CEP95: variants seen among roughly 807,000 people sequenced by gnomAD.
CEP95 encodes centrosomal protein 95.
A neutral mutation model predicts 111.2 loss-of-function variants in CEP95; 98 were observed. The ratio of observed to expected loss-of-function variants is 0.88; its 90% CI spans 0.75 to 1.04. CEP95 has a LOEUF of 1.04. Ranked by LOEUF, CEP95 falls within the 50% of genes least tolerant of loss-of-function variation. CEP95 has a pLI of 0.00. For missense variants in CEP95, 1,027 were observed against 977.2 expected (o/e 1.05, Z -0.68); for synonymous variants, 323 against 327.1 (o/e 0.99, Z 0.14).
Position 64,513,917 on chromosome 17 carries a change from A to G in CEP95, c.257-331A>G, listed in dbSNP as rs140940964. Among the ~76,000 whole-genome samples the G allele has an allele frequency of 6.1e-3, 926 of 152,334 alleles. 10 individuals are homozygous for G. Among genetic ancestry groups the G allele is most frequent in the African/African-American group, 0.02 (843 of 41,564 alleles). On this transcript the variant is annotated intron_variant, in intron 3 of 19. Transcript: ENST00000556440. ...CTGTTTAGCTGCAATATATTTTGGT[A>G]TAAATCTTACTAGACATGTTTTCTT...
chr17:64,508,210 G>T, intron 1 of CEP95: 1 of 985,348 alleles, frequency 1.0e-6, no homozygotes, highest in Non-Finnish European at 1.2e-6. Context: ...TGAGTTTCTG[G>T]TAACCTCGGA....
At chr17:64,507,800 A>G in intron 1 of CEP95, 1 of 985,436 alleles carries the variant, frequency 1.0e-6, no homozygotes, top group Non-Finnish European at 1.2e-6. Flanking sequence ...AACATAGTGG[A>G]GATGTTTGTT....
At chr17:64,511,882 C>CT (rs1280457969) in intron 3 of CEP95, among the ~76,000 whole-genome samples, 1 of 152,228 alleles carries the variant, frequency 6.6e-6, no homozygotes, top group African/African-American at 2.4e-5. Context: ...GTTCTTCTGC[C>CT]ATGGCTTCAG....
At chr17:64,522,130 C>G (rs1175106273) in intron 7 of CEP95, among the ~76,000 whole-genome samples, 1 of 152,088 alleles carries the variant, frequency 6.6e-6, no homozygotes, top group African/African-American at 2.4e-5. Context: ...AGATTACAAG[C>G]GTGAGCTCCC....
In CEP95 at chr17:64,514,164, A is replaced by G. The variant is rs2303574; in HGVS notation, c.257-84A>G. 193 of 576,544 alleles carry G rather than the reference A, an allele frequency of 3.3e-4. 1 individual carries two copies. The East Asian group carries it at 4.9e-3, about 15-fold the overall frequency. 35.7% of individuals were successfully genotyped at this position (576,544 alleles called of 1,614,324 possible). The stretch of plus-strand genomic sequence containing the variant: ...GCCTGTATTCTTAAATAGCATTTTC[A>G]CAATGTTATATCCAAGTTTCAAGAT... On this transcript the variant is annotated intron_variant, in intron 3 of 19. Transcript: ENST00000556440.
intron 14 of CEP95, chr17:64,532,541 A>G: frequency 2.0e-6 from 2 of 985,308 alleles, no homozygotes; most frequent in Non-Finnish European, 2.4e-6. Context: ...AAGGTTGAGG[A>G]GTCTTGTTTT....
chr17:64,525,205 G>A (rs549787992), intron 8 of CEP95, among the ~76,000 whole-genome samples: 16 of 152,054 alleles, frequency 1.1e-4, no homozygotes, highest in African/African-American at 3.9e-4. Flanking sequence ...TTAGCCAGGT[G>A]TTGTGGCATA....
chr17:64,531,936 G>A lies in CEP95; in HGVS notation c.1586G>A (p.Cys529Tyr). The change falls in exon 14 of 20, where the codon TGT (cysteine) becomes TAT (tyrosine). Residue 529 changes from cysteine (C) to tyrosine (Y), a missense_variant. Cys to Tyr is a radical substitution (Grantham distance 194). Transcript: ENST00000556440. ...GEAVRKGTPECSQPWKIYSRK... is the reference protein window; with the variant it reads ...GEAVRKGTPEYSQPWKIYSRK... ...GCTGTTCGTAAAGGAACTCCAGAAT[G>A]TAGTCAGCCCTGGAAGATTTACTCT... The A allele has an allele frequency of 6.2e-7, 1 of 1,609,302 alleles. No homozygotes were observed. The highest frequency in any genetic ancestry group is 8.5e-7 in the Non-Finnish European group (1 of 1,178,232).
Position 64,537,845 on chromosome 17 carries a change from C to A in CEP95, c.*66C>A. Reference sequence around the variant, plus strand: ...TTACCAGGACAGAGCTAGAATCGAGCCAGTAAACAGTCTAAGCCAGAAAAA... The same window carrying A: ...TTACCAGGACAGAGCTAGAATCGAGACAGTAAACAGTCTAAGCCAGAAAAA... On this transcript the variant is annotated 3_prime_UTR_variant, in exon 20 of 20. Transcript: ENST00000556440. 1 of 955,610 alleles carries A rather than the reference C, an allele frequency of 1.0e-6. No homozygotes were observed. Among genetic ancestry groups the A allele is most frequent in the Non-Finnish European group, 1.5e-6 (1 of 685,606 alleles). The allele number at this position is 955,610 out of a possible 1,614,324, so 59.2% of individuals were successfully genotyped here. A position where few individuals can be genotyped will look rare whatever the true frequency, so the allele number is the denominator to read the frequency against.
At position 64,533,142 on chromosome 17, in the gene CEP95, A is replaced by G. The variant is rs1555680763; in HGVS notation, c.1868A>G (p.Asp623Gly). The G allele has an allele frequency of 6.2e-7, 1 of 1,602,108 alleles. No individual in the cohort carries two copies. The highest frequency in any genetic ancestry group is 1.8e-5 in the Admixed American group (1 of 55,558). ...ATAGAAGAAGCCCTAAGAAGGCATG[A>G]CCTCCTTACTACCCTTGTCAAGAAA... ...DEIEEALRRH[D>G]LLTTLVKKEY... The change falls in exon 16 of 20, where the codon GAC becomes GGC. Residue 623 changes from aspartate to glycine, a missense_variant. Coordinates refer to ENST00000556440, the MANE Select transcript of CEP95 (RefSeq NM_138363.3).
intron 14 of CEP95, 173 bp from the exon 15 acceptor site, chr17:64,532,666 A>G: frequency 7.0e-7 from 1 of 1,418,936 alleles, no homozygotes. Context: ...TATCCTTACC[A>G]GTAGTTGGCT....
intron 3 of CEP95, among the ~76,000 whole-genome samples, chr17:64,513,873 C>T (rs923121661): frequency 6.6e-6 from 1 of 151,998 alleles, no homozygotes; most frequent in African/African-American, 2.4e-5. Flanking sequence ...CCACTTTTTC[C>T]CACCAATCTG....
At chr17:64,507,235 G>C in intron 1 of CEP95, 119 bp downstream of exon 1, 1 of 1,522,946 alleles carries the variant, frequency 6.6e-7, no homozygotes, top group Non-Finnish European at 8.8e-7. Context: ...TTCAGACGCC[G>C]CGTCGCGCTG....
At chr17:64,530,877 C>T (rs544428081) in intron 12 of CEP95, 49 bp from the exon 13 acceptor site, 47 of 1,098,772 alleles carry the variant, frequency 4.3e-5, no homozygotes, top group African/African-American at 3.2e-4. Context: ...TGGTGCTGCC[C>T]GTTGTGTATG....
In CEP95 at chr17:64,537,716, T is replaced by C. The variant is rs562927861; in HGVS notation, c.2403T>C (p.Ala801=). The stretch of plus-strand genomic sequence containing the variant: ...ATGTTTTCTTCCGGGAACTGGAAGC[T>C]GAGCGCTTCAGATCTCGGCTTCAGC... ...DDDVFFRELE[A]ERFRSRLQLA... Residue 801 remains alanine (A), a synonymous_variant, in exon 20 of 20, where the codon GCT becomes GCC. Coordinates refer to ENST00000556440, the MANE Select transcript of CEP95 (RefSeq NM_138363.3). The C allele has an allele frequency of 4.3e-6, 7 of 1,612,720 alleles. No homozygotes were observed. The highest frequency in any genetic ancestry group is 5.9e-6 in the Non-Finnish European group (7 of 1,179,362).
Position 64,516,652 on chromosome 17 carries a change from C to T in CEP95, c.368-71C>T, listed in dbSNP as rs1598196589. ...GGTGCCTCACTGTCCTTACCTTTCC[C>T]TGCCTCTTACATAGAAAAAGTAGTA... is the stretch of plus-strand genomic sequence containing the variant. On this transcript the variant is annotated intron_variant, in intron 4 of 19. Transcript: ENST00000556440. 34 of 907,738 alleles carry T rather than the reference C, an allele frequency of 3.7e-5. 2 individuals are homozygous for T. In the South Asian group the frequency reaches 5.8e-4, roughly 16 times the overall value. The allele number at this position is 907,738 out of a possible 1,614,324, so 56.2% of individuals were successfully genotyped here. A position where few individuals can be genotyped will look rare whatever the true frequency, so the allele number is the denominator to read the frequency against.
At chr17:64,508,768 A>G in intron 2 of CEP95, 48 bp downstream of exon 2, 1 of 991,130 alleles carries the variant, frequency 1.0e-6, no homozygotes, top group Non-Finnish European at 1.4e-6. Flanking sequence ...CTTAGGCCAA[A>G]AGTTTTTAGT....
rs1341388234 is a variant in CEP95 at position 64,507,789 on chromosome 17, G to C, written c.19+673G>C. 23 of 985,364 alleles carry C rather than the reference G, an allele frequency of 2.3e-5. No homozygotes were observed. In the Admixed American group the frequency reaches 1.4e-3, roughly 61 times the overall value. The allele number at this position is 985,364 out of a possible 1,614,324, so 61.0% of individuals were successfully genotyped here. A position where few individuals can be genotyped will look rare whatever the true frequency, so the allele number is the denominator to read the frequency against. Reference sequence around the variant, plus strand: ...TCGTTTCCAGAACGTTACGTGTCCAGAACATAGTGGAGATGTTTGTTTCTA... The same window carrying C: ...TCGTTTCCAGAACGTTACGTGTCCACAACATAGTGGAGATGTTTGTTTCTA... On this transcript the variant is annotated intron_variant, in intron 1 of 19. Transcript: ENST00000556440.
At chr17:64,530,826 A>T in intron 12 of CEP95, 100 bp from the exon 13 acceptor site, 2 of 610,680 alleles carry the variant, frequency 3.3e-6, no homozygotes, top group Non-Finnish European at 5.5e-6. Flanking sequence ...GAAACTCAGG[A>T]TCTCCTGTTT....
Sources: allele counts gnomAD v4.1 joint callset (sites outside exome capture counted in the v4.1 genomes callset), GRCh38; gene constraint gnomAD v4.1.1; transcripts MANE v1.5; gene names NCBI Gene and HGNC (gene_info 2026-07-23, HGNC 2026-07-21).